Variants in TNKS observed in about 807,000 individuals in gnomAD.
The protein encoded by TNKS is poly [ADP-ribose] polymerase tankyrase-1.
A neutral mutation model predicts 135.8 loss-of-function variants in TNKS; 72 were observed. The observed-to-expected ratio is 0.53, with a 90% CI of 0.44 to 0.64. TNKS has a LOEUF of 0.64. Among genes scored for constraint, TNKS ranks in the 30% least tolerant of loss-of-function variants. TNKS has a pLI of 0.00. For synonymous variants in TNKS, 849 were observed against 649.3 expected, an observed-to-expected ratio of 1.31 and a Z score of -4.68; for missense variants, 1,769 against 1,674.0, an observed-to-expected ratio of 1.06 and a Z score of -0.99.
intron 20 of TNKS, 131 bp from the exon 21 acceptor site, chr8:9,761,385 C>CGTGT: frequency 1.1e-6 from 1 of 911,930 alleles, no homozygotes. Flanking sequence ...ATTGTAAGCT[C>CGTGT]ATGTTTATAA....
intron 3 of TNKS, among the ~76,000 whole-genome samples, chr8:9,677,905 C>G (rs899277248): frequency 1.3e-5 from 2 of 152,158 alleles, no homozygotes; most frequent in Non-Finnish European, 1.5e-5. Flanking sequence ...TTCTCCCTGA[C>G]CCTGCTTCAC....
intron 2 of TNKS, among the ~76,000 whole-genome samples, chr8:9,609,637 G>A: frequency 6.6e-6 from 1 of 152,238 alleles, no homozygotes; most frequent in Admixed American, 6.5e-5. Flanking sequence ...GTTTTCAGCT[G>A]GTAATTCTTT....
intron 5 of TNKS, among the ~76,000 whole-genome samples, chr8:9,693,785 T>C (rs1433604804): frequency 6.6e-6 from 1 of 152,180 alleles, no homozygotes; most frequent in Non-Finnish European, 1.5e-5. Flanking sequence ...CTACTAAAAG[T>C]AGAGTACAAT....
At chr8:9,580,847 A>G (rs1182359809) in intron 2 of TNKS, among the ~76,000 whole-genome samples, 19 of 152,150 alleles carry the variant, frequency 1.2e-4, no homozygotes, top group Admixed American at 1.2e-3. Context: ...AATCGTTTCA[A>G]TATGTGCCAT....
chr8:9,597,433 G>A (rs1257401569), intron 2 of TNKS, among the ~76,000 whole-genome samples: 4 of 151,918 alleles, frequency 2.6e-5, no homozygotes, highest in Admixed American at 6.5e-5. Context: ...TACCATCAGC[G>A]TGAATTTGTG....
chr8:9,692,462 A>AT (rs1803322152), intron 5 of TNKS, among the ~76,000 whole-genome samples: 1 of 152,222 alleles, frequency 6.6e-6, no homozygotes, highest in Non-Finnish European at 1.5e-5. Context: ...AGACATTAAT[A>AT]TGTTAAACAG....
Position 9,616,288 on chromosome 8 carries a change from G to A in TNKS, c.994+611G>A, listed in dbSNP as rs574689509. On this transcript the variant is annotated intron_variant, in intron 3 of 26. Transcript: ENST00000310430. Reference sequence around the variant, plus strand: ...CCAGCAAAGAGGAAATGCTAGAATGGAAAAGGTCTCTCATAACAATATAGA... The same window carrying A: ...CCAGCAAAGAGGAAATGCTAGAATGAAAAAGGTCTCTCATAACAATATAGA... Among the ~76,000 whole-genome samples the A allele has an allele frequency of 7.2e-5, 11 of 152,268 alleles. No individual in the cohort carries two copies. The South Asian group carries it at 1.9e-3, about 26-fold the overall frequency.
At position 9,666,472 on chromosome 8, in the gene TNKS, C is replaced by G. The variant is rs1008817549; in HGVS notation, c.995-13479C>G. Among the ~76,000 whole-genome samples the G allele has an allele frequency of 6.6e-5, 10 of 152,160 alleles. 1 individual carries two copies. Among genetic ancestry groups the G allele is most frequent in the African/African-American group, 1.7e-4 (7 of 41,430 alleles). On this transcript the variant is annotated intron_variant, in intron 3 of 26. Transcript: ENST00000310430. The stretch of plus-strand genomic sequence containing the variant: ...TGGTAGCTCACGCCTGTAATCCCCG[C>G]ACTTTGGGAGGCCAAGGCTGGCAGA...
At chr8:9,572,703 A>T (rs1282532581) in intron 1 of TNKS, among the ~76,000 whole-genome samples, 1 of 152,216 alleles carries the variant, frequency 6.6e-6, no homozygotes, top group Non-Finnish European at 1.5e-5. Context: ...ATACCCCTCT[A>T]TAATTTTGAG....
intron 5 of TNKS, among the ~76,000 whole-genome samples, chr8:9,692,578 C>G (rs1034342362): frequency 1.3e-5 from 2 of 152,122 alleles, no homozygotes; most frequent in African/African-American, 2.4e-5. Context: ...AACCGCTGAC[C>G]AAGAGGTCCA....
At chr8:9,674,207 C>G (rs1368473921) in intron 3 of TNKS, among the ~76,000 whole-genome samples, 1 of 152,084 alleles carries the variant, frequency 6.6e-6, no homozygotes, top group Non-Finnish European at 1.5e-5. Flanking sequence ...AGAGTTGAAA[C>G]TTTAGAAATC....
intron 3 of TNKS, among the ~76,000 whole-genome samples, chr8:9,658,818 G>T (rs898418225): frequency 3.9e-5 from 6 of 152,214 alleles, no homozygotes; most frequent in Admixed American, 6.5e-5. Context: ...AGACCCATCA[G>T]TGTGCTGTAT....
At chr8:9,691,048 G>C (rs535952647) in intron 5 of TNKS, among the ~76,000 whole-genome samples, 1 of 152,248 alleles carries the variant, frequency 6.6e-6, no homozygotes, top group Non-Finnish European at 1.5e-5. Flanking sequence ...TGGATTTAGT[G>C]CTCAATTTAG....
chr8:9,681,965 A>G (rs1398979637), intron 5 of TNKS, among the ~76,000 whole-genome samples: 3 of 152,138 alleles, frequency 2.0e-5, no homozygotes, highest in Non-Finnish European at 4.4e-5. Context: ...ACTTTCATAG[A>G]AGGTTAAATT....
chr8:9,780,897 G>A lies in TNKS; in HGVS notation c.*4161G>A, dbSNP rs992665421. ...CCTCAGCTACCAGATTTCTGGTTTGGAGAAGTGCTGGAAAGATTTCAAAGC... is the reference window on the plus strand; with the variant it reads ...CCTCAGCTACCAGATTTCTGGTTTGAAGAAGTGCTGGAAAGATTTCAAAGC... On this transcript the variant is annotated 3_prime_UTR_variant, in exon 27 of 27. Coordinates refer to ENST00000310430, the MANE Select transcript of TNKS (RefSeq NM_003747.3). 2.0e-5 allele frequency: 3 copies of A among 152,302 alleles called. No homozygotes were observed. Among genetic ancestry groups the A allele is most frequent in the Non-Finnish European group, 4.4e-5 (3 of 68,030 alleles). 9.4% of individuals were successfully genotyped at this position (152,302 alleles called of 1,614,324 possible).
In TNKS at chr8:9,696,068, C is replaced by T. The variant is rs578053482; in HGVS notation, c.1108-8595C>T. On this transcript the variant is annotated intron_variant, in intron 5 of 26. Transcript: ENST00000310430. Reference sequence around the variant, plus strand: ...TACTCCATATAGTAACCAGTAACCTCCACAGTATGGAAGTTAGCAAAGAGG... The same window carrying T: ...TACTCCATATAGTAACCAGTAACCTTCACAGTATGGAAGTTAGCAAAGAGG... 1.6e-4 allele frequency among the ~76,000 whole-genome samples: 25 copies of T among 152,238 alleles called. No homozygotes were observed. In the East Asian group the frequency reaches 4.8e-3, roughly 29 times the overall value.
intron 2 of TNKS, among the ~76,000 whole-genome samples, chr8:9,612,832 A>G (rs1177472675): frequency 7.2e-6 from 1 of 138,068 alleles, no homozygotes; most frequent in Non-Finnish European, 1.6e-5. Context: ...CCTTTTCGAT[A>G]ACATAAACAG....
At chr8:9,742,267 T>A (rs1233417056) in intron 17 of TNKS, among the ~76,000 whole-genome samples, 2 of 151,744 alleles carry the variant, frequency 1.3e-5, no homozygotes, top group East Asian at 1.9e-4. Flanking sequence ...TGACTGTTAC[T>A]TTTTTTTGGC....
Position 9,672,705 on chromosome 8 carries a change from CACACACA to C in TNKS, c.995-7244_995-7238del, listed in dbSNP as rs1223226890. Among the ~76,000 whole-genome samples, 11 of 112,186 alleles carry C rather than the reference CACACACA, an allele frequency of 9.8e-5. 1 individual carries two copies. The highest frequency in any genetic ancestry group is 2.3e-4 in the African/African-American group (7 of 29,894). 73.6% of individuals were successfully genotyped at this position (112,186 alleles called of 152,430 possible). On this transcript the variant is annotated intron_variant, in intron 3 of 26. Transcript: ENST00000310430. Reference sequence around the variant, plus strand: ...ATACACACACACACACACACACACACACACACAAAAAAAAAAAAACAAACTAATATCC... The same window carrying C: ...ATACACACACACACACACACACACACAAAAAAAAAAAACAAACTAATATCC...
Sources: gnomAD v4.1 joint callset for allele counts (sites outside exome capture counted in the v4.1 genomes callset) on GRCh38, gnomAD v4.1.1 for gene constraint, MANE v1.5 for transcripts, NCBI Gene and HGNC (gene_info 2026-07-23, HGNC 2026-07-21) for gene names.